Variants in CHD6 observed in about 807,000 individuals in gnomAD.
CHD6 encodes the protein ATP-dependent chromatin remodeler CHD6.
CHD6 carries 50 observed loss-of-function variants against 276.9 expected under a neutral mutation model. That is an observed-to-expected ratio of 0.18 (90% CI 0.14 to 0.23). CHD6 has a LOEUF of 0.23. CHD6 is among the 10% of genes least tolerant of loss of function. The probability of loss-of-function intolerance (pLI) is 1.00; values close to 1 mark genes in which losing one functional copy is unlikely to be tolerated. For missense variants in CHD6, 2,564 were observed against 3,365.8 expected (o/e 0.76, Z 5.89); for synonymous variants, 1,173 against 1,229.3 (o/e 0.95, Z 0.96).
intron 1 of CHD6, among the ~76,000 whole-genome samples, chr20:41,563,050 CAAAAG>C (rs2045318814): frequency 6.6e-6 from 1 of 152,198 alleles, no homozygotes; most frequent in African/African-American, 2.4e-5. Flanking sequence ...CTCTACTCCT[CAAAAG>C]AAGTGTTTTA....
chr20:41,426,352 GT>G (rs200460039), intron 27 of CHD6, among the ~76,000 whole-genome samples, 199 bp from the exon 28 acceptor site: 25 of 150,696 alleles, frequency 1.7e-4, no homozygotes, highest in East Asian at 3.9e-4. Context: ...TTTAAAATAA[GT>G]TTTTTTTTTC....
chr20:41,451,892 T>C lies in CHD6; in HGVS notation c.3457A>G (p.Ser1153Gly). Reference sequence around the variant, plus strand: ...GGTGTGATCAGTTCCCAAATGAAACTCTTGATCTTCTCGTCCCCCTTATAA... The same window carrying C: ...GGTGTGATCAGTTCCCAAATGAAACCCTTGATCTTCTCGTCCCCCTTATAA... ...KHYKGDEKIK[S>G]FIWELITPTK... The change falls in exon 22 of 37, where the codon AGT becomes GGT. Residue 1153 changes from serine to glycine, a missense_variant. Coordinates refer to ENST00000373233, the MANE Select transcript of CHD6 (RefSeq NM_032221.5). 1 of 1,614,164 alleles carries C rather than the reference T, an allele frequency of 6.2e-7. No individual in the cohort carries two copies. The highest frequency in any genetic ancestry group is 8.5e-7 in the Non-Finnish European group (1 of 1,180,016).
At chr20:41,508,262 G>T (rs879610614) in intron 5 of CHD6, among the ~76,000 whole-genome samples, 3 of 152,118 alleles carry the variant, frequency 2.0e-5, no homozygotes, top group Non-Finnish European at 2.9e-5. Context: ...TTATTAGAGA[G>T]AAAGCATTAC....
chr20:41,500,876 C>T (rs992697779), intron 5 of CHD6, among the ~76,000 whole-genome samples: 20 of 152,108 alleles, frequency 1.3e-4, no homozygotes, highest in Admixed American at 1.1e-3. Flanking sequence ...CTCTCTGAGG[C>T]CACAGAGTAG....
At chr20:41,430,854 A>ATTTT (rs61590579) in intron 27 of CHD6, among the ~76,000 whole-genome samples, 7 of 127,606 alleles carry the variant, frequency 5.5e-5, no homozygotes, top group East Asian at 2.3e-4. Context: ...CAGAACATGA[A>ATTTT]TTTTTTTTTT....
At chr20:41,487,390 A>C (rs1484235102) in intron 14 of CHD6, among the ~76,000 whole-genome samples, 1 of 152,186 alleles carries the variant, frequency 6.6e-6, no homozygotes, top group Admixed American at 6.5e-5. Flanking sequence ...CAATATGTGA[A>C]ATTAGTGAAG....
At chr20:41,597,950 A>G (rs915428964) in intron 1 of CHD6, among the ~76,000 whole-genome samples, 6 of 152,116 alleles carry the variant, frequency 3.9e-5, no homozygotes, top group African/African-American at 1.4e-4. Flanking sequence ...TATTTTTAAA[A>G]TTCTGTTAAC....
At chr20:41,562,847 A>C (rs200255446) in intron 1 of CHD6, among the ~76,000 whole-genome samples, 19,554 of 152,214 alleles carry the variant, frequency 0.13, 1,495 homozygotes, top group East Asian at 0.17. Context: ...TAGTGGGTCA[A>C]AAGAGAAAGA....
At chr20:41,530,239 A>G (rs1388285198) in intron 3 of CHD6, among the ~76,000 whole-genome samples, 1 of 152,166 alleles carries the variant, frequency 6.6e-6, no homozygotes, top group Non-Finnish European at 1.5e-5. Flanking sequence ...TTTAGAATTG[A>G]AAAGGGAGAA....
At chr20:41,541,150 G>A (rs2146109654) in intron 2 of CHD6, among the ~76,000 whole-genome samples, 1 of 152,214 alleles carries the variant, frequency 6.6e-6, no homozygotes, top group Non-Finnish European at 1.5e-5. Flanking sequence ...GTGGGGGCAG[G>A]AACAATGTCT....
At chr20:41,411,527 T>G (rs6129834) in intron 36 of CHD6, among the ~76,000 whole-genome samples, 4,487 of 152,268 alleles carry the variant, frequency 0.029, 282 homozygotes, top group East Asian at 0.27. Flanking sequence ...CTGCCCAAAC[T>G]CAACACATTT....
At chr20:41,449,628 G>C (rs1199480950) in intron 23 of CHD6, among the ~76,000 whole-genome samples, 1 of 152,138 alleles carries the variant, frequency 6.6e-6, no homozygotes, top group Non-Finnish European at 1.5e-5. Context: ...TAACACCCTT[G>C]GTTTAGCCAA....
chr20:41,502,923 T>C (rs2145916479), intron 5 of CHD6, among the ~76,000 whole-genome samples: 1 of 152,266 alleles, frequency 6.6e-6, no homozygotes, highest in Admixed American at 6.5e-5. Flanking sequence ...GGAGAATCAC[T>C]TGAACCTGGG....
At chr20:41,605,653 T>C (rs2045819641) in intron 1 of CHD6, among the ~76,000 whole-genome samples, 1 of 152,206 alleles carries the variant, frequency 6.6e-6, no homozygotes, top group Non-Finnish European at 1.5e-5. Flanking sequence ...ATTTACTTAT[T>C]TATAGCTAAT....
chr20:41,403,261 C>A lies in CHD6; in HGVS notation c.*1332G>T. The A allele has an allele frequency of 1.9e-6, 2 of 1,061,616 alleles. No homozygotes were observed. Among genetic ancestry groups the A allele is most frequent in the Non-Finnish European group, 2.3e-6 (2 of 876,590 alleles). 65.8% of individuals were successfully genotyped at this position (1,061,616 alleles called of 1,614,324 possible). Reference sequence around the variant, plus strand: ...TTTCCAAGGGTCCTGCGCAGCCCTGCGCCCCCAGAGTACTGAACCATGAGC... The same window carrying A: ...TTTCCAAGGGTCCTGCGCAGCCCTGAGCCCCCAGAGTACTGAACCATGAGC... On this transcript the variant is annotated 3_prime_UTR_variant, in exon 37 of 37. Coordinates refer to ENST00000373233, the MANE Select transcript of CHD6 (RefSeq NM_032221.5).
chr20:41,412,770 G>A (rs369422939), intron 35 of CHD6, among the ~76,000 whole-genome samples: 1 of 152,172 alleles, frequency 6.6e-6, no homozygotes, highest in East Asian at 1.9e-4. Flanking sequence ...ATCTGTGCTC[G>A]AGTCCTCTCC....
At chr20:41,424,754 G>C (rs2047307746) in intron 29 of CHD6, among the ~76,000 whole-genome samples, 1 of 152,074 alleles carries the variant, frequency 6.6e-6, no homozygotes, top group South Asian at 2.1e-4. Flanking sequence ...TTTCCTTCTG[G>C]GCTTGTATTT....
chr20:41,413,541 A>G, intron 34 of CHD6, 26 bp from the exon 35 acceptor site: 2 of 1,477,308 alleles, frequency 1.4e-6, no homozygotes, highest in Non-Finnish European at 1.8e-6. Flanking sequence ...ACGAGTATGT[A>G]TAATCACGAC....
chr20:41,593,202 AGG>A (rs5841412), intron 1 of CHD6, among the ~76,000 whole-genome samples: 10,499 of 117,612 alleles, frequency 0.089, 732 homozygotes, highest in East Asian at 0.19. Context: ...CCAATCAAAA[AGG>A]GGGGGGGGGG....
Sources: allele counts gnomAD v4.1 joint callset (sites outside exome capture counted in the v4.1 genomes callset), GRCh38; gene constraint gnomAD v4.1.1; transcripts MANE v1.5; gene names NCBI Gene and HGNC (gene_info 2026-07-23, HGNC 2026-07-21).